Variants in GGTLC2 observed in about 807,000 individuals in gnomAD.
GGTLC2 encodes gamma-glutamyltransferase light chain 2, also known as glutathione hydrolase light chain 2.
A neutral mutation model predicts 20.2 loss-of-function variants in GGTLC2; 13 were observed. The ratio of observed to expected loss-of-function variants is 0.64; its 90% CI spans 0.42 to 1.02. GGTLC2 has a LOEUF of 1.02. Ranked by LOEUF, GGTLC2 falls within the 50% of genes least tolerant of loss-of-function variation. GGTLC2 has a pLI of 0.00. For synonymous variants in GGTLC2, 89 were observed against 125.5 expected, an observed-to-expected ratio of 0.71 and a Z score of 1.94; for missense variants, 202 against 301.3, an observed-to-expected ratio of 0.67 and a Z score of 2.44.
chr22:22,645,041 C>T (rs1337065546), intron 1 of GGTLC2, among the ~76,000 whole-genome samples: 3 of 145,772 alleles, frequency 2.1e-5, no homozygotes, highest in South Asian at 2.4e-4. Flanking sequence ...TACAGGCGCC[C>T]GCCACCACAC....
At position 22,647,778 on chromosome 22, in the gene GGTLC2, G is replaced by T; in HGVS notation, c.*37G>T. The T allele has an allele frequency of 1.3e-6, 2 of 1,589,956 alleles. No individual in the cohort carries two copies. The highest frequency in any genetic ancestry group is 1.7e-6 in the Non-Finnish European group (2 of 1,167,202). On this transcript the variant is annotated 3_prime_UTR_variant, in exon 6 of 6. Coordinates refer to ENST00000448514, the MANE Select transcript of GGTLC2 (RefSeq NM_199127.3). ...GGACAAGGCTGACAAGCAATCCAGGGACAAGATACTCACCAGGACCAGGAA... is the reference window on the plus strand; with the variant it reads ...GGACAAGGCTGACAAGCAATCCAGGTACAAGATACTCACCAGGACCAGGAA...
rs561872889 is a variant in GGTLC2 at position 22,646,376 on chromosome 22, C to A, written c.31C>A (p.Arg11=). MTSEFFAAQL[R]AQISDDTTHP... ...CTCTGAGTTCTTCGCTGCCCAGCTC[C>A]GGGCCCAGATCTCTGACGACACCAC... The change falls in exon 2 of 6, where the codon CGG becomes AGG. Residue 11 remains arginine, a synonymous_variant. Coordinates refer to ENST00000448514, the MANE Select transcript of GGTLC2 (RefSeq NM_199127.3). 1.3e-6 allele frequency: 2 copies of A among 1,571,962 alleles called. No individual in the cohort carries two copies. Among genetic ancestry groups the A allele is most frequent in the East Asian group, 4.6e-5 (2 of 43,510 alleles).
Position 22,647,292 on chromosome 22 carries a change from T to C in GGTLC2, c.510+2T>C, listed in dbSNP as rs1222232014. The C allele has an allele frequency of 1.2e-6, 2 of 1,609,508 alleles. No homozygotes were observed. The highest frequency in any genetic ancestry group is 4.5e-5 in the East Asian group (2 of 44,714). ...ACAGTGGAGAGAAACATTGACCAGG[T>C]GGGCCGGGGGTTGGAGAAACTGAGT... On this transcript the variant is annotated splice_donor_variant, in intron 5 of 5. Coordinates refer to ENST00000448514, the MANE Select transcript of GGTLC2 (RefSeq NM_199127.3). LOFTEE classifies it high-confidence loss of function.
At chr22:22,647,117 C>G (rs1290244178) in intron 4 of GGTLC2, 24 bp from the exon 5 acceptor site, 10 of 1,611,702 alleles carry the variant, frequency 6.2e-6, no homozygotes, top group Non-Finnish European at 8.5e-6. Flanking sequence ...CCCTTTTCTC[C>G]CTGGCCGTGC....
chr22:22,646,589 T>C (rs1423021204), intron 2 of GGTLC2, 68 bp downstream of exon 2: 1 of 1,316,910 alleles, frequency 7.6e-7, no homozygotes, highest in African/African-American at 1.4e-5. Context: ...TGCCCACTTA[T>C]CCAGTAAGGT....
At position 22,646,512 on chromosome 22, in the gene GGTLC2, T is replaced by G. The variant is rs1452714930; in HGVS notation, c.167T>G (p.Ile56Ser). Residue 56 changes from isoleucine to serine, a missense_variant, in exon 2 of 6, where the codon ATC becomes AGC. This residue lies in a region of GGTLC2 where 44 missense variants were observed against 81.2 expected (regional missense o/e 0.54). Coordinates refer to ENST00000448514, the MANE Select transcript of GGTLC2 (RefSeq NM_199127.3). ...AGTGCTGTGTCCGCCACCAGCACCA[T>G]CAACCTCTAGTAGGGGCTGCTGGGC... ...DGSAVSATST[I>S]NLYFGSKVRS... 2.6e-6 allele frequency: 4 copies of G among 1,565,068 alleles called. No individual in the cohort carries two copies. Among genetic ancestry groups the G allele is most frequent in the Non-Finnish European group, 3.5e-6 (4 of 1,157,660 alleles).
Position 22,647,780 on chromosome 22 carries a change from C to A in GGTLC2, c.*39C>A. The A allele has an allele frequency of 6.3e-7, 1 of 1,589,574 alleles. No individual in the cohort carries two copies. The highest frequency in any genetic ancestry group is 8.6e-7 in the Non-Finnish European group (1 of 1,166,808). On this transcript the variant is annotated 3_prime_UTR_variant, in exon 6 of 6. Coordinates refer to ENST00000448514, the MANE Select transcript of GGTLC2 (RefSeq NM_199127.3). ...ACAAGGCTGACAAGCAATCCAGGGA[C>A]AAGATACTCACCAGGACCAGGAAGG...
chr22:22,645,328 T>C (rs1250207302), intron 1 of GGTLC2, among the ~76,000 whole-genome samples: 3 of 151,054 alleles, frequency 2.0e-5, no homozygotes, highest in Non-Finnish European at 4.4e-5. Context: ...GCTCATGGCA[T>C]CCAGCAGCCA....
At position 22,644,882 on chromosome 22, in the gene GGTLC2, C is replaced by CT. The variant is rs1180593782; in HGVS notation, c.-35+200dup. ...CCTGGGCAACAGAGTCAGACTCTCT[C>CT]TTTTTTTTTTTTTTTTTTTTTTTTT... On this transcript the variant is annotated intron_variant, in intron 1 of 5. Transcript: ENST00000448514. 5.9e-3 allele frequency among the ~76,000 whole-genome samples: 192 copies of CT among 32,530 alleles called. 25 individuals are homozygous for CT. Among genetic ancestry groups the CT allele is most frequent in the African/African-American group, 7.5e-3 (32 of 4,242 alleles). The allele number at this position is 32,530 out of a possible 152,430, so 21.3% of individuals were successfully genotyped here.
At position 22,647,306 on chromosome 22, in the gene GGTLC2, G is replaced by C; in HGVS notation, c.510+16G>C. On this transcript the variant is annotated intron_variant, in intron 5 of 5. Transcript: ENST00000448514. ...CATTGACCAGGTGGGCCGGGGGTTG[G>C]AGAAACTGAGTCACGGTGTGGGGCC... 2 of 1,607,340 alleles carry C rather than the reference G, an allele frequency of 1.2e-6. No individual in the cohort carries two copies. Among genetic ancestry groups the C allele is most frequent in the East Asian group, 2.2e-5 (1 of 44,618 alleles).
chr22:22,647,829 C>T lies in GGTLC2; in HGVS notation c.*88C>T. ...GGGGACTCTGGGGGACTGGCTTCCCCTGTGAGCAGCAGAGCAGCACAATAA... is the reference window on the plus strand; with the variant it reads ...GGGGACTCTGGGGGACTGGCTTCCCTTGTGAGCAGCAGAGCAGCACAATAA... On this transcript the variant is annotated 3_prime_UTR_variant, in exon 6 of 6. Coordinates refer to ENST00000448514, the MANE Select transcript of GGTLC2 (RefSeq NM_199127.3). 6.3e-7 allele frequency: 1 copy of T among 1,590,070 alleles called. No homozygotes were observed. Among genetic ancestry groups the T allele is most frequent in the East Asian group, 2.3e-5 (1 of 44,014 alleles).
intron 5 of GGTLC2, 115 bp downstream of exon 5, chr22:22,647,405 G>A: frequency 6.4e-7 from 1 of 1,566,458 alleles, no homozygotes; most frequent in South Asian, 1.1e-5. Context: ...CTAGTGCCTG[G>A]GCCATCTGGA....
chr22:22,646,784 C>G lies in GGTLC2; in HGVS notation c.207C>G (p.Ser69Arg). The change falls in exon 3 of 6, where the codon AGC becomes AGG. Residue 69 changes from serine to arginine, a missense_variant. Physicochemically the swap from Ser to Arg is moderately radical, Grantham distance 110 (BLOSUM62 -1). This residue lies in a region of GGTLC2 where 71 missense variants were observed against 63.0 expected (regional missense o/e 1.13). Coordinates refer to ENST00000448514, the MANE Select transcript of GGTLC2 (RefSeq NM_199127.3). ...GCTCCAAGGTCCGCTCCCCGGTCAG[C>G]GAGATCCTGTTCAATGATGAAATGG... ...YFGSKVRSPVSEILFNDEMDD... is the reference protein window; with the variant it reads ...YFGSKVRSPVREILFNDEMDD... 1 of 1,608,670 alleles carries G rather than the reference C, an allele frequency of 6.2e-7. No individual in the cohort carries two copies. The highest frequency in any genetic ancestry group is 8.5e-7 in the Non-Finnish European group (1 of 1,176,686).
chr22:22,646,736 G>A lies in GGTLC2; in HGVS notation c.177-18G>A, dbSNP rs1421437963. ...GGCCAGGCAAGGTCAGGTGCTGTCT[G>A]ACCTGGCTGGGCGGTAGCTTTGGCT... On this transcript the variant is annotated intron_variant, in intron 2 of 5. Transcript: ENST00000448514. 2 of 1,608,412 alleles carry A rather than the reference G, an allele frequency of 1.2e-6. No individual in the cohort carries two copies. Among genetic ancestry groups the A allele is most frequent in the Admixed American group, 1.7e-5 (1 of 59,760 alleles).
At chr22:22,646,007 T>C (rs2064065470) in intron 1 of GGTLC2, 1 of 572,694 alleles carries the variant, frequency 1.7e-6, no homozygotes, top group Non-Finnish European at 2.8e-6. Flanking sequence ...CCTAAGTGTC[T>C]GTTCCCTGTT....
At chr22:22,645,058 A>G (rs1351512770) in intron 1 of GGTLC2, among the ~76,000 whole-genome samples, 4 of 147,014 alleles carry the variant, frequency 2.7e-5, no homozygotes, top group Admixed American at 6.8e-5. Flanking sequence ...ACACCCGGCT[A>G]ATTTTTTGTA....
At chr22:22,645,026 G>C (rs957514355) in intron 1 of GGTLC2, among the ~76,000 whole-genome samples, 24 of 141,608 alleles carry the variant, frequency 1.7e-4, no homozygotes, top group South Asian at 1.3e-3. Context: ...TGGAGTAGTT[G>C]GGACTACAGG....
rs751958632 is a variant in GGTLC2 at position 22,646,377 on chromosome 22, G to A, written c.32G>A (p.Arg11Gln). Residue 11 changes from arginine to glutamine, a missense_variant, in exon 2 of 6, where the codon CGG (arginine) becomes CAG (glutamine). Arg to Gln is a conservative substitution (Grantham distance 43). This residue lies in a region of GGTLC2 where 44 missense variants were observed against 81.2 expected (regional missense o/e 0.54). Coordinates refer to ENST00000448514, the MANE Select transcript of GGTLC2 (RefSeq NM_199127.3). MTSEFFAAQL[R>Q]AQISDDTTHP... Reference sequence around the variant, plus strand: ...TCTGAGTTCTTCGCTGCCCAGCTCCGGGCCCAGATCTCTGACGACACCACT... The same window carrying A: ...TCTGAGTTCTTCGCTGCCCAGCTCCAGGCCCAGATCTCTGACGACACCACT... 1.6e-5 allele frequency: 23 copies of A among 1,430,662 alleles called. 2 individuals are homozygous for A. The highest frequency in any genetic ancestry group is 3.3e-5 in the East Asian group (1 of 30,552). The allele number at this position is 1,430,662 out of a possible 1,614,324, so 88.6% of individuals were successfully genotyped here.
Position 22,647,065 on chromosome 22 carries a change from G to A in GGTLC2, c.360+27G>A, listed in dbSNP as rs533560520. 30 of 1,611,650 alleles carry A rather than the reference G, an allele frequency of 1.9e-5. No individual in the cohort carries two copies. In the East Asian group the frequency reaches 6.0e-4, roughly 32 times the overall value. On this transcript the variant is annotated intron_variant, in intron 4 of 5. Transcript: ENST00000448514. ...TCCGGATGGTGGTGGGAGCTGCTGGGGGCACACAGATCACCACAGCCACTG... is the reference window on the plus strand; with the variant it reads ...TCCGGATGGTGGTGGGAGCTGCTGGAGGCACACAGATCACCACAGCCACTG...
Sources: gnomAD v4.1 joint callset for allele counts (sites outside exome capture counted in the v4.1 genomes callset) on GRCh38, gnomAD v4.1.1 for gene constraint, gnomAD v4.1.1 regional missense constraint, MANE v1.5 for transcripts, NCBI Gene and HGNC (gene_info 2026-07-23, HGNC 2026-07-21) for gene names.